ASTN2: variants seen among roughly 807,000 people sequenced by gnomAD.
ASTN2 encodes the protein astrotactin 2, also known as astrotactin-2.
In ASTN2, 54 loss-of-function variants were observed where a neutral mutation model predicts 139.8. The observed-to-expected ratio is 0.39, with a 90% CI of 0.31 to 0.48. The LOEUF (loss-of-function observed/expected upper bound fraction) is 0.48, where lower values mean the gene tolerates loss of function less well. Ranked by LOEUF, ASTN2 falls within the 20% of genes least tolerant of loss-of-function variation. ASTN2 has a pLI of 0.95. For synonymous variants in ASTN2, 756 were observed against 719.5 expected, an observed-to-expected ratio of 1.05 and a Z score of -0.81; for missense variants, 1,565 against 1,725.1, an observed-to-expected ratio of 0.91 and a Z score of 1.64.
chr9:116,667,568 G>C (rs1342522190), intron 16 of ASTN2, among the ~76,000 whole-genome samples: 1 of 152,120 alleles, frequency 6.6e-6, no homozygotes, highest in Non-Finnish European at 1.5e-5. Flanking sequence ...CTCTCCTTGT[G>C]TGTACTTAAA....
chr9:116,966,110 A>G (rs1239592669), intron 10 of ASTN2, among the ~76,000 whole-genome samples: 1 of 152,162 alleles, frequency 6.6e-6, no homozygotes, highest in Non-Finnish European at 1.5e-5. Flanking sequence ...TCTCTCTTTC[A>G]TCTAAAGATC....
intron 4 of ASTN2, among the ~76,000 whole-genome samples, chr9:117,140,593 G>A (rs904132675): frequency 6.6e-6 from 1 of 151,334 alleles, no homozygotes; most frequent in South Asian, 2.1e-4. Context: ...GAAGATGAAG[G>A]AGGAAGAGAT....
chr9:116,803,830 A>T (rs558910275), intron 13 of ASTN2, among the ~76,000 whole-genome samples: 93 of 141,920 alleles, frequency 6.6e-4, no homozygotes, highest in African/African-American at 2.2e-3. Flanking sequence ...AGCCCAGTTT[A>T]AAAAAAAAAA....
rs1831103796 is a variant in ASTN2, at chr9:117,409,561, T to C, written c.442+4936A>G. 2.0e-5 allele frequency among the ~76,000 whole-genome samples: 3 copies of C among 152,276 alleles called. No individual in the cohort carries two copies. In the South Asian group the frequency reaches 6.2e-4, roughly 32 times the overall value. ...CAGCCTCCTGTAGGGCTCAGCTCTATCCTCTCAGATCTTTCAAGACATTCG... is the reference window on the plus strand; with the variant it reads ...CAGCCTCCTGTAGGGCTCAGCTCTACCCTCTCAGATCTTTCAAGACATTCG... On this transcript the variant is annotated intron_variant, in intron 1 of 22. Transcript: ENST00000313400.
At chr9:116,579,166 G>A (rs745557029) in intron 19 of ASTN2, 3 of 152,098 alleles carry the variant, frequency 2.0e-5, no homozygotes, top group Non-Finnish European at 2.9e-5. Flanking sequence ...GTAGGAGGGT[G>A]GTACTTATAT....
At chr9:117,045,975 T>TACGTACGTACGTAC (rs1564399754) in intron 5 of ASTN2, among the ~76,000 whole-genome samples, 2 of 102,022 alleles carry the variant, frequency 2.0e-5, no homozygotes, top group South Asian at 2.7e-4. Flanking sequence ...TATGTATGTA[T>TACGTACGTACGTAC]GTATGTACGT....
chr9:116,441,140 T>G (rs1213763680), intron 21 of ASTN2, among the ~76,000 whole-genome samples: 1 of 152,186 alleles, frequency 6.6e-6, no homozygotes, highest in Non-Finnish European at 1.5e-5. Flanking sequence ...TTGGCTTAAA[T>G]AAATTGTCTT....
At chr9:116,480,856 G>A (rs1849145339) in intron 20 of ASTN2, among the ~76,000 whole-genome samples, 1 of 152,120 alleles carries the variant, frequency 6.6e-6, no homozygotes, top group Non-Finnish European at 1.5e-5. Context: ...GGAGAAGAAC[G>A]CCAACCTGCT....
At chr9:116,751,347 T>C (rs986021807) in intron 13 of ASTN2, among the ~76,000 whole-genome samples, 1 of 152,166 alleles carries the variant, frequency 6.6e-6, no homozygotes, top group East Asian at 1.9e-4. Context: ...TAGTAAGAAG[T>C]TCAGAGTTAA....
chr9:117,189,784 G>C (rs898266644), intron 3 of ASTN2, among the ~76,000 whole-genome samples: 1 of 152,146 alleles, frequency 6.6e-6, no homozygotes, highest in Non-Finnish European at 1.5e-5. Flanking sequence ...TCTCTGATCT[G>C]CTGCCAGCCT....
At chr9:117,275,174 A>AT (rs921374785) in intron 2 of ASTN2, among the ~76,000 whole-genome samples, 11 of 152,090 alleles carry the variant, frequency 7.2e-5, no homozygotes, top group Admixed American at 5.9e-4. Flanking sequence ...TTTAGCATCC[A>AT]TTTTTTCTAT....
chr9:116,463,502 G>A (rs1848555469), intron 20 of ASTN2, among the ~76,000 whole-genome samples: 1 of 152,190 alleles, frequency 6.6e-6, no homozygotes, highest in South Asian at 2.1e-4. Flanking sequence ...GCATGCCATT[G>A]TCCCTCAGCC....
chr9:116,739,004 A>T (rs1450631488), intron 13 of ASTN2, among the ~76,000 whole-genome samples: 1 of 106,592 alleles, frequency 9.4e-6, no homozygotes, highest in Non-Finnish European at 2.1e-5. Context: ...GAAACACAAC[A>T]TTCACTTACA....
intron 6 of ASTN2, among the ~76,000 whole-genome samples, chr9:117,016,513 T>C (rs1393990967): frequency 6.7e-6 from 1 of 149,098 alleles, no homozygotes; most frequent in Non-Finnish European, 1.5e-5. Context: ...AGAAGAGACA[T>C]TGAGATCTCA....
chr9:116,672,266 T>G (rs1859243040), intron 16 of ASTN2, among the ~76,000 whole-genome samples: 1 of 151,584 alleles, frequency 6.6e-6, no homozygotes, highest in African/African-American at 2.4e-5. Flanking sequence ...CTTGGGGGAC[T>G]GAGGTGGGAG....
intron 13 of ASTN2, among the ~76,000 whole-genome samples, chr9:116,776,723 G>A (rs529522364): frequency 1.9e-4 from 29 of 152,266 alleles, no homozygotes; most frequent in Admixed American, 1.8e-3. Flanking sequence ...TGCTGGCAAT[G>A]AGACTGACCA....
chr9:117,406,713 C>T (rs540539657), intron 1 of ASTN2, among the ~76,000 whole-genome samples: 2 of 152,234 alleles, frequency 1.3e-5, no homozygotes, highest in East Asian at 3.9e-4. Flanking sequence ...CTCATTCTAT[C>T]CTATTTAATA....
intron 10 of ASTN2, among the ~76,000 whole-genome samples, chr9:116,948,125 T>G (rs1310744434): frequency 6.6e-6 from 1 of 152,194 alleles, no homozygotes; most frequent in Non-Finnish European, 1.5e-5. Flanking sequence ...TGGTCCATGA[T>G]TTTGATTTGC....
intron 20 of ASTN2, among the ~76,000 whole-genome samples, chr9:116,467,330 G>A (rs777309140): frequency 3.9e-5 from 6 of 152,086 alleles, no homozygotes; most frequent in East Asian, 1.9e-4. Context: ...GCAGTGGTGC[G>A]ATCTTGGCTC....
Sources: allele counts gnomAD v4.1 joint callset (sites outside exome capture counted in the v4.1 genomes callset), GRCh38; gene constraint gnomAD v4.1.1; transcripts MANE v1.5; gene names NCBI Gene and HGNC (gene_info 2026-07-23, HGNC 2026-07-21).